The following GALNT13 variants were observed in gnomAD, a reference collection of about 807,000 sequenced individuals.
The protein encoded by GALNT13 is polypeptide N-acetylgalactosaminyltransferase 13.
A neutral mutation model predicts 64.2 loss-of-function variants in GALNT13; 28 were observed. The observed-to-expected ratio is 0.44, with a 90% CI of 0.32 to 0.60. GALNT13 has a LOEUF of 0.60. Ranked by LOEUF, GALNT13 falls within the 20% of genes least tolerant of loss-of-function variation. The pLI, the probability that GALNT13 is intolerant of heterozygous loss-of-function variation, is 0.05. For synonymous variants in GALNT13, 214 were observed against 224.6 expected, an observed-to-expected ratio of 0.95 and a Z score of 0.42; for missense variants, 577 against 669.8, an observed-to-expected ratio of 0.86 and a Z score of 1.53.
chr2:154,206,023 A>T lies in GALNT13; in HGVS notation c.312-36007A>T, dbSNP rs572487882. On this transcript the variant is annotated intron_variant, in intron 4 of 12. Coordinates refer to ENST00000392825, the MANE Select transcript of GALNT13 (RefSeq NM_052917.4). ...TATTATTATTATTATTTTAAGATAG[A>T]GTCTGGCTCTGTCACCCAGGTGGGA... Among the ~76,000 whole-genome samples the T allele has an allele frequency of 2.6e-5, 4 of 152,048 alleles. No individual in the cohort carries two copies. In the East Asian group the frequency reaches 5.8e-4, roughly 22 times the overall value.
the GALNT13 span, among the ~76,000 whole-genome samples, chr2:153,220,845 C>T: frequency 1.3e-5 from 2 of 152,146 alleles, no homozygotes; most frequent in Admixed American, 1.3e-4. Context: ...GATATTAATC[C>T]AGCTATATCA....
the GALNT13 span, among the ~76,000 whole-genome samples, chr2:153,486,593 A>G: frequency 6.6e-6 from 1 of 152,188 alleles, no homozygotes; most frequent in Non-Finnish European, 1.5e-5. Flanking sequence ...TAGTAGCCAC[A>G]GTGCTCTCTC....
chr2:154,200,736 C>T, intron 4 of GALNT13, among the ~76,000 whole-genome samples: 1 of 152,110 alleles, frequency 6.6e-6, no homozygotes, highest in African/African-American at 2.4e-5. Context: ...ACCTGATCAC[C>T]TCTTACACAC....
chr2:154,445,877 C>T lies in GALNT13; in HGVS notation c.1531-4534C>T, dbSNP rs1234133523. 5 of 1,221,998 alleles carry T rather than the reference C, an allele frequency of 4.1e-6. No individual in the cohort carries two copies. The Admixed American group carries it at 6.9e-5, about 17-fold the overall frequency. 75.7% of individuals were successfully genotyped at this position (1,221,998 alleles called of 1,614,324 possible). A position where few individuals can be genotyped will look rare whatever the true frequency, so the allele number is the denominator to read the frequency against. On this transcript the variant is annotated intron_variant, in intron 12 of 12. Coordinates refer to ENST00000392825, the MANE Select transcript of GALNT13 (RefSeq NM_052917.4). ...GCCATAGTCTGTGGCTTTCCTGGAG[C>T]TTATGTTCCTATGGAGGAAATAGAT...
intron 3 of GALNT13, among the ~76,000 whole-genome samples, chr2:154,081,146 G>A (rs964313099): frequency 6.6e-6 from 1 of 151,568 alleles, no homozygotes; most frequent in Non-Finnish European, 1.5e-5. Flanking sequence ...CCACAGAGAA[G>A]TCATGAAGCC....
At chr2:153,912,253 A>C (rs1027567375) in intron 2 of GALNT13, among the ~76,000 whole-genome samples, 1 of 152,078 alleles carries the variant, frequency 6.6e-6, no homozygotes, top group South Asian at 2.1e-4. Context: ...CAGCTCTATA[A>C]GGTCAGCTTC....
At chr2:153,949,889 C>A (rs925175527) in intron 3 of GALNT13, among the ~76,000 whole-genome samples, 1 of 151,840 alleles carries the variant, frequency 6.6e-6, no homozygotes, top group Admixed American at 6.6e-5. Context: ...TAAATGGAAC[C>A]GAGAATAAAG....
chr2:153,833,559 A>G, the GALNT13 span, among the ~76,000 whole-genome samples: 1 of 152,160 alleles, frequency 6.6e-6, no homozygotes. Flanking sequence ...GTAATTGTTG[A>G]TAATCTCTTA....
intron 9 of GALNT13, among the ~76,000 whole-genome samples, chr2:154,391,620 G>A (rs1022459437): frequency 2.0e-5 from 3 of 152,106 alleles, no homozygotes; most frequent in South Asian, 2.1e-4. Context: ...GATGTCAGGC[G>A]TGCAAAACAA....
chr2:154,121,991 T>G (rs150320334), intron 3 of GALNT13, among the ~76,000 whole-genome samples: 53 of 152,222 alleles, frequency 3.5e-4, no homozygotes, highest in African/African-American at 1.2e-3. Context: ...TTGTAAACAT[T>G]TTTATTCAAG....
chr2:153,378,255 TATAG>T, the GALNT13 span, among the ~76,000 whole-genome samples: 43,624 of 143,220 alleles, frequency 0.3, 6,967 homozygotes, highest in East Asian at 0.49. Flanking sequence ...TTTAGAACAT[TATAG>T]ATAGATAGAT....
intron 3 of GALNT13, among the ~76,000 whole-genome samples, chr2:154,083,628 A>T (rs183706749): frequency 1.3e-5 from 2 of 151,804 alleles, no homozygotes; most frequent in African/African-American, 4.8e-5. Context: ...GGTCCTTCAC[A>T]TCCCTTGTAA....
chr2:153,440,321 G>C, the GALNT13 span, among the ~76,000 whole-genome samples: 1 of 152,154 alleles, frequency 6.6e-6, no homozygotes, highest in Non-Finnish European at 1.5e-5. Flanking sequence ...TCGTGTATAT[G>C]TGCCACATTT....
chr2:154,222,778 G>C (rs1489487307), intron 4 of GALNT13, among the ~76,000 whole-genome samples: 3 of 152,090 alleles, frequency 2.0e-5, no homozygotes, highest in Non-Finnish European at 4.4e-5. Flanking sequence ...GACGGGTTGA[G>C]GATTTATGCA....
chr2:154,235,185 G>T (rs1428549817), intron 4 of GALNT13, among the ~76,000 whole-genome samples: 1 of 152,046 alleles, frequency 6.6e-6, no homozygotes, highest in Non-Finnish European at 1.5e-5. Context: ...GCAAATAATT[G>T]ATCTGATAGC....
At chr2:153,563,261 C>G in the GALNT13 span, among the ~76,000 whole-genome samples, 5 of 151,998 alleles carry the variant, frequency 3.3e-5, no homozygotes, top group Admixed American at 1.3e-4. Context: ...TCCAGTATTT[C>G]TCTTATTTTA....
the GALNT13 span, among the ~76,000 whole-genome samples, chr2:153,705,838 G>T: frequency 1.3e-5 from 2 of 152,120 alleles, no homozygotes; most frequent in Non-Finnish European, 2.9e-5. Context: ...GGAGAGGAAA[G>T]AATTGAGAAC....
At chr2:153,696,569 T>C in the GALNT13 span, among the ~76,000 whole-genome samples, 2 of 152,142 alleles carry the variant, frequency 1.3e-5, no homozygotes, top group Non-Finnish European at 2.9e-5. Flanking sequence ...GTTTATAAAT[T>C]AGGCACAATA....
intron 3 of GALNT13, among the ~76,000 whole-genome samples, chr2:154,132,256 A>G (rs1424196181): frequency 6.6e-6 from 1 of 152,192 alleles, no homozygotes; most frequent in Non-Finnish European, 1.5e-5. Context: ...AATATAGATA[A>G]TGCAAATGAA....
Sources: allele counts gnomAD v4.1 joint callset (sites outside exome capture counted in the v4.1 genomes callset), GRCh38; gene constraint gnomAD v4.1.1; transcripts MANE v1.5; gene names NCBI Gene and HGNC (gene_info 2026-07-23, HGNC 2026-07-21).